CCDC91: variants seen among roughly 807,000 people sequenced by gnomAD.
CCDC91 encodes coiled-coil domain containing 91.
A neutral mutation model predicts 63.2 loss-of-function variants in CCDC91; 48 were observed. The observed-to-expected ratio is 0.76, with a 90% CI of 0.60 to 0.97. The LOEUF (loss-of-function observed/expected upper bound fraction) is 0.97, where lower values mean the gene tolerates loss of function less well. Ranked by LOEUF, CCDC91 falls within the 50% of genes least tolerant of loss-of-function variation. CCDC91 has a pLI of 0.00. For missense variants in CCDC91, 500 were observed against 494.6 expected (o/e 1.01, Z -0.10); for synonymous variants, 167 against 165.8 (o/e 1.01, Z -0.06).
chr12:28,490,898 T>C (rs953049718), intron 12 of CCDC91, among the ~76,000 whole-genome samples: 23 of 147,968 alleles, frequency 1.6e-4, no homozygotes, highest in Non-Finnish European at 3.4e-4. Context: ...TCACACACTT[T>C]GGTGAGATGA....
At chr12:28,277,535 T>TTAGA (rs1247070393) in intron 3 of CCDC91, among the ~76,000 whole-genome samples, 2 of 152,044 alleles carry the variant, frequency 1.3e-5, no homozygotes, top group Non-Finnish European at 2.9e-5. Context: ...CAAATGCTTA[T>TTAGA]TAGAGAATTT....
chr12:28,424,250 A>G (rs1948180092), intron 8 of CCDC91, among the ~76,000 whole-genome samples: 1 of 152,122 alleles, frequency 6.6e-6, no homozygotes, highest in Non-Finnish European at 1.5e-5. Flanking sequence ...TATTTTAAAT[A>G]TCCATCTGTT....
At chr12:28,447,363 A>C (rs1461067202) in intron 8 of CCDC91, among the ~76,000 whole-genome samples, 5 of 151,934 alleles carry the variant, frequency 3.3e-5, no homozygotes, top group African/African-American at 1.2e-4. Context: ...CTCCAGAAGG[A>C]TGTTTGCCTA....
At chr12:28,257,156 A>G (rs1946509859) in intron 1 of CCDC91, 46 bp from the exon 2 acceptor site, 1 of 1,124,954 alleles carries the variant, frequency 8.9e-7, no homozygotes, top group Non-Finnish European at 1.4e-6. Flanking sequence ...TTTGACATAA[A>G]TGACTGTGTG....
intron 7 of CCDC91, among the ~76,000 whole-genome samples, chr12:28,384,719 AT>A (rs112505636): frequency 8.0e-5 from 12 of 150,002 alleles, no homozygotes; most frequent in African/African-American, 1.2e-4. Context: ...GTTAAAACTG[AT>A]TTTTTTTTTG....
chr12:28,354,176 A>C (rs929110100), intron 6 of CCDC91, among the ~76,000 whole-genome samples: 2 of 152,180 alleles, frequency 1.3e-5, no homozygotes, highest in Non-Finnish European at 2.9e-5. Context: ...TTAAAAATCA[A>C]CATCTTGGCA....
At chr12:28,543,664 C>T (rs759052639) in intron 12 of CCDC91, among the ~76,000 whole-genome samples, 20 of 152,036 alleles carry the variant, frequency 1.3e-4, no homozygotes, top group East Asian at 3.9e-4. Flanking sequence ...ATGGAGATGA[C>T]GTCCACGTTT....
chr12:28,215,092 A>G lies in CCDC91; in HGVS notation c.-15+24451A>G, dbSNP rs375517157. 4.4e-4 allele frequency among the ~76,000 whole-genome samples: 67 copies of G among 152,332 alleles called. 1 individual carries two copies. The East Asian group carries it at 0.011, about 25-fold the overall frequency. ...CATGTGAGTAGAATGAAACAGTTGT[A>G]TAATAAGAAACTGCTACTTCTTGAC... On this transcript the variant is annotated intron_variant, in intron 1 of 12. Transcript: ENST00000536442.
intron 8 of CCDC91, among the ~76,000 whole-genome samples, chr12:28,445,987 T>C (rs1356242038): frequency 6.6e-6 from 1 of 152,190 alleles, no homozygotes; most frequent in East Asian, 1.9e-4. Flanking sequence ...AGGGGATTTA[T>C]TGTACATCCT....
Position 28,431,876 on chromosome 12 carries a change from G to T in CCDC91, c.763-18285G>T, listed in dbSNP as rs184127677. ...AGTTTCACTGCTCTAAAATTTCTCA[G>T]TGTTCCACCTAGTCATCCTTCTCTC... On this transcript the variant is annotated intron_variant, in intron 8 of 12. Coordinates refer to ENST00000536442, the MANE Select transcript of CCDC91 (RefSeq NM_018318.5). Among the ~76,000 whole-genome samples, 191 of 151,996 alleles carry T rather than the reference G, an allele frequency of 1.3e-3. 1 individual carries two copies. The highest frequency in any genetic ancestry group is 4.5e-3 in the African/African-American group (186 of 41,470).
chr12:28,439,733 C>CT (rs71438747), intron 8 of CCDC91, among the ~76,000 whole-genome samples: 28,559 of 132,932 alleles, frequency 0.21, 3,729 homozygotes, highest in Non-Finnish European at 0.31. Flanking sequence ...TTTCTTTTTT[C>CT]TTTTTTTTTT....
intron 12 of CCDC91, among the ~76,000 whole-genome samples, chr12:28,533,503 T>A (rs1405262121): frequency 6.6e-6 from 1 of 152,098 alleles, no homozygotes; most frequent in Admixed American, 6.6e-5. Context: ...GATTAAGTAA[T>A]TTTGCCAATA....
intron 6 of CCDC91, among the ~76,000 whole-genome samples, chr12:28,326,388 A>AT (rs1940998151): frequency 2.4e-5 from 1 of 42,132 alleles, no homozygotes; most frequent in Non-Finnish European, 7.4e-5. Flanking sequence ...TTATGTTAGA[A>AT]TTGTTTTTTT....
At chr12:28,308,358 C>T (rs1279700058) in intron 6 of CCDC91, among the ~76,000 whole-genome samples, 1 of 152,042 alleles carries the variant, frequency 6.6e-6, no homozygotes, top group East Asian at 1.9e-4. Flanking sequence ...CCTTGGATTA[C>T]TAAAGTATAT....
intron 7 of CCDC91, among the ~76,000 whole-genome samples, chr12:28,382,288 T>C (rs2139099910): frequency 6.6e-6 from 1 of 151,416 alleles, no homozygotes; most frequent in Admixed American, 6.6e-5. Context: ...AATTTTAAAA[T>C]AATATTTATA....
At chr12:28,534,791 C>G (rs145693781) in intron 12 of CCDC91, among the ~76,000 whole-genome samples, 41 of 152,160 alleles carry the variant, frequency 2.7e-4, no homozygotes, top group Non-Finnish European at 4.9e-4. Flanking sequence ...CTGCAGAGGA[C>G]TTTTAAGTCT....
chr12:28,447,803 G>A (rs1282415455), intron 8 of CCDC91, among the ~76,000 whole-genome samples: 3,708 of 27,634 alleles, frequency 0.13, 601 homozygotes, highest in Non-Finnish European at 0.21. Flanking sequence ...GAGGGGAGGG[G>A]AGGGGAGGGA....
chr12:28,536,800 CTTT>C (rs1384618646), intron 12 of CCDC91, among the ~76,000 whole-genome samples: 1 of 152,032 alleles, frequency 6.6e-6, no homozygotes. Flanking sequence ...TCTACTCATT[CTTT>C]TTTAAAGTAT....
chr12:28,228,508 T>C (rs1565640570), intron 1 of CCDC91, among the ~76,000 whole-genome samples: 1 of 152,082 alleles, frequency 6.6e-6, no homozygotes, highest in African/African-American at 2.4e-5. Context: ...AGAATTCTTA[T>C]CGATGGTAAC....
Sources: gnomAD v4.1 joint callset for allele counts (sites outside exome capture counted in the v4.1 genomes callset) on GRCh38, gnomAD v4.1.1 for gene constraint, MANE v1.5 for transcripts, NCBI Gene and HGNC (gene_info 2026-07-23, HGNC 2026-07-21) for gene names.